The following AUTS2 variants were observed in gnomAD, a reference collection of about 807,000 sequenced individuals.
AUTS2 encodes activator of transcription and developmental regulator AUTS2.
A neutral mutation model predicts 112.4 loss-of-function variants in AUTS2; 17 were observed. The ratio of observed to expected loss-of-function variants is 0.15; its 90% CI spans 0.10 to 0.23. The LOEUF is 0.23. AUTS2 is among the 10% of genes least tolerant of loss of function. The pLI, the probability that AUTS2 is intolerant of heterozygous loss-of-function variation, is 1.00. For synonymous variants in AUTS2, 751 were observed against 702.7 expected (o/e 1.07, Z -1.09); for missense variants, 1,510 against 1,701.6 (o/e 0.89, Z 1.98).
At chr7:70,593,325 CT>C (rs1447235878) in intron 5 of AUTS2, among the ~76,000 whole-genome samples, 1 of 152,092 alleles carries the variant, frequency 6.6e-6, no homozygotes, top group Non-Finnish European at 1.5e-5. Flanking sequence ...GGTAATATTC[CT>C]GTTTTTATAT....
chr7:70,375,229 C>T (rs1263194877), intron 4 of AUTS2, among the ~76,000 whole-genome samples: 1 of 152,104 alleles, frequency 6.6e-6, no homozygotes, highest in Non-Finnish European at 1.5e-5. Flanking sequence ...TTTTTTCTAT[C>T]TCAAAATCAC....
At chr7:69,720,427 A>G (rs1215217004) in intron 1 of AUTS2, among the ~76,000 whole-genome samples, 2 of 152,202 alleles carry the variant, frequency 1.3e-5, no homozygotes, top group African/African-American at 4.8e-5. Context: ...CACCTGACCT[A>G]ATGATGTGTT....
intron 5 of AUTS2, among the ~76,000 whole-genome samples, chr7:70,677,802 G>A (rs562364172): frequency 6.6e-6 from 1 of 152,152 alleles, no homozygotes; most frequent in South Asian, 2.1e-4. Flanking sequence ...AGTAGGTTCT[G>A]GCCAGGCGCG....
At chr7:69,821,312 G>T (rs1281598690) in intron 1 of AUTS2, among the ~76,000 whole-genome samples, 1 of 152,108 alleles carries the variant, frequency 6.6e-6, no homozygotes, top group Admixed American at 6.6e-5. Context: ...GGGACTTGGA[G>T]AACTTTTCTG....
At chr7:70,194,176 A>G (rs1044127766) in intron 4 of AUTS2, among the ~76,000 whole-genome samples, 7 of 152,174 alleles carry the variant, frequency 4.6e-5, no homozygotes, top group African/African-American at 1.7e-4. Flanking sequence ...TTGGGAGGTC[A>G]AGATGGGTAG....
At chr7:70,605,329 A>G (rs1002889141) in intron 5 of AUTS2, among the ~76,000 whole-genome samples, 2 of 152,176 alleles carry the variant, frequency 1.3e-5, no homozygotes, top group African/African-American at 2.4e-5. Context: ...AATTGAAATA[A>G]TGGTCTGAAA....
At chr7:69,924,855 A>C (rs1795946428) in intron 2 of AUTS2, among the ~76,000 whole-genome samples, 1 of 152,072 alleles carries the variant, frequency 6.6e-6, no homozygotes, top group Non-Finnish European at 1.5e-5. Flanking sequence ...CCGGCCTGTT[A>C]TTTCTTTCTT....
At chr7:70,185,406 C>T (rs764049626) in intron 4 of AUTS2, among the ~76,000 whole-genome samples, 1 of 151,760 alleles carries the variant, frequency 6.6e-6, no homozygotes, top group Non-Finnish European at 1.5e-5. Context: ...CGCACCTGGC[C>T]CCAACATTCA....
intron 2 of AUTS2, among the ~76,000 whole-genome samples, chr7:69,922,071 A>G (rs201768194): frequency 7.0e-5 from 9 of 127,916 alleles, no homozygotes; most frequent in African/African-American, 2.1e-4. Flanking sequence ...TCTCAAAAAA[A>G]GAAAAAAGAA....
In AUTS2 at chr7:70,222,888, CT is replaced by C. The variant is rs200649101; in HGVS notation, c.660+88334del. Reference sequence around the variant, plus strand: ...TAATATTTCTTGGCTTGGAAATTTGCTTTTTTTTTTTTTTTTTGAGACAAAG... The same window carrying C: ...TAATATTTCTTGGCTTGGAAATTTGCTTTTTTTTTTTTTTTTGAGACAAAG... On this transcript the variant is annotated intron_variant, in intron 4 of 18. Transcript: ENST00000342771. Among the ~76,000 whole-genome samples the C allele has an allele frequency of 6.2e-3, 813 of 130,086 alleles. 2 individuals carry two copies. Among genetic ancestry groups the C allele is most frequent in the African/African-American group, 0.015 (514 of 35,204 alleles). 85.3% of individuals were successfully genotyped at this position (130,086 alleles called of 152,430 possible).
chr7:70,590,490 G>C (rs1201303384), intron 5 of AUTS2, among the ~76,000 whole-genome samples: 4 of 152,146 alleles, frequency 2.6e-5, no homozygotes, highest in African/African-American at 9.7e-5. Context: ...TAGGGTAGTG[G>C]TTGAAGCAGC....
rs1362462949 is a variant in AUTS2, at chr7:70,040,040, A to C, written c.523-78092A>C. On this transcript the variant is annotated intron_variant, in intron 2 of 18. Coordinates refer to ENST00000342771, the MANE Select transcript of AUTS2 (RefSeq NM_015570.4). ...AAGACAAAATTATGGAGACAGAAAA[A>C]ATGATCAGTGGTTGCTAGGAGTTGG... Among the ~76,000 whole-genome samples, 3 of 152,176 alleles carry C rather than the reference A, an allele frequency of 2.0e-5. No individual in the cohort carries two copies. The East Asian group carries it at 5.8e-4, about 29-fold the overall frequency.
At chr7:70,671,080 G>A (rs1026633191) in intron 5 of AUTS2, among the ~76,000 whole-genome samples, 2 of 152,246 alleles carry the variant, frequency 1.3e-5, no homozygotes, top group Non-Finnish European at 2.9e-5. Flanking sequence ...GCTGAGGCAG[G>A]ATAATTGCTT....
At chr7:70,197,727 T>C (rs2129584855) in intron 4 of AUTS2, among the ~76,000 whole-genome samples, 1 of 9,184 alleles carries the variant, frequency 1.1e-4, no homozygotes, top group Non-Finnish European at 2.5e-4. Flanking sequence ...AGCACAGCAG[T>C]CTGAGATCAA....
At chr7:70,483,391 C>G (rs1431378030) in intron 5 of AUTS2, among the ~76,000 whole-genome samples, 1 of 152,192 alleles carries the variant, frequency 6.6e-6, no homozygotes, top group Admixed American at 6.5e-5. Flanking sequence ...CCTCGGCTTC[C>G]CTCTTCCAGA....
At chr7:70,176,462 TGCAATG>T (rs1808992021) in intron 4 of AUTS2, among the ~76,000 whole-genome samples, 1 of 152,226 alleles carries the variant, frequency 6.6e-6, no homozygotes, top group African/African-American at 2.4e-5. Flanking sequence ...TCTTCTTTTG[TGCAATG>T]GCAATGATTC....
At chr7:70,229,755 AT>A (rs1216748253) in intron 4 of AUTS2, among the ~76,000 whole-genome samples, 2 of 149,346 alleles carry the variant, frequency 1.3e-5, no homozygotes, top group East Asian at 2.0e-4. Flanking sequence ...TATTTTCTTC[AT>A]TTTTTCCCCC....
chr7:70,068,629 G>T (rs1802610478), intron 2 of AUTS2, among the ~76,000 whole-genome samples: 1 of 152,156 alleles, frequency 6.6e-6, no homozygotes, highest in Non-Finnish European at 1.5e-5. Flanking sequence ...GACTTGTAGG[G>T]ACATTGTCCT....
intron 1 of AUTS2, among the ~76,000 whole-genome samples, chr7:69,866,168 T>A (rs1562937137): frequency 6.6e-6 from 1 of 152,318 alleles, no homozygotes; most frequent in East Asian, 1.9e-4. Context: ...AGTCCTCTGC[T>A]CATCTACTTA....
Sources: gnomAD v4.1 joint callset for allele counts (sites outside exome capture counted in the v4.1 genomes callset) on GRCh38, gnomAD v4.1.1 for gene constraint, MANE v1.5 for transcripts, NCBI Gene and HGNC (gene_info 2026-07-23, HGNC 2026-07-21) for gene names.